The following SI variants were observed in gnomAD, a reference collection of about 807,000 sequenced individuals.
The protein encoded by SI is sucrase-isomaltase, also known as sucrase-isomaltase, intestinal.
A neutral mutation model predicts 253.3 loss-of-function variants in SI; 235 were observed. The observed-to-expected ratio is 0.93, with a 90% CI of 0.83 to 1.03. SI has a LOEUF of 1.03. Among genes scored for constraint, SI ranks in the 50% least tolerant of loss-of-function variants. The pLI is 0.00. For synonymous variants in SI, 819 were observed against 712.0 expected (o/e 1.15, Z -2.39); for missense variants, 2,442 against 2,211.1 (o/e 1.10, Z -2.09).
Position 165,006,888 on chromosome 3 carries a change from C to T in SI, c.4334G>A (p.Ser1445Asn). 1 of 1,611,728 alleles carries T rather than the reference C, an allele frequency of 6.2e-7. No individual in the cohort carries two copies. Among genetic ancestry groups the T allele is most frequent in the Non-Finnish European group, 8.5e-7 (1 of 1,178,068 alleles). Reference protein sequence around the residue: ...TICMEAEQILSDGTSVLHYDV... With the variant: ...TICMEAEQILNDGTSVLHYDV... ...GTAATGCAAAACTGATGTTCCATCA[C>T]TAAGAATCTGCTCAGCTTCCATGCA... is the stretch of plus-strand genomic sequence containing the variant. Residue 1445 changes from serine to asparagine, a missense_variant, in exon 37 of 48, where the codon AGT becomes AAT. Transcript: ENST00000264382.
At chr3:164,997,327 A>C (rs1718057249) in intron 38 of SI, among the ~76,000 whole-genome samples, 2 of 151,762 alleles carry the variant, frequency 1.3e-5, no homozygotes, top group South Asian at 4.1e-4. Context: ...AACAAATTTT[A>C]AGACTAAATA....
chr3:165,033,446 T>C lies in SI; in HGVS notation c.2516-2A>G, dbSNP rs1232478429. The C allele has an allele frequency of 6.5e-7, 1 of 1,536,550 alleles. No individual in the cohort carries two copies. The highest frequency in any genetic ancestry group is 2.4e-5 in the East Asian group (1 of 42,054). On this transcript the variant is annotated splice_acceptor_variant, in intron 22 of 47. Transcript: ENST00000264382. LOFTEE classifies it high-confidence loss of function. ...TGTAGTTGCCATTTTGTATTGTATCTGAAATGAAAAATATCGTGATCAGTA... is the reference window on the plus strand; with the variant it reads ...TGTAGTTGCCATTTTGTATTGTATCCGAAATGAAAAATATCGTGATCAGTA...
intron 16 of SI, among the ~76,000 whole-genome samples, chr3:165,044,071 C>G (rs1712992859): frequency 6.6e-6 from 1 of 151,984 alleles, no homozygotes; most frequent in South Asian, 2.1e-4. Flanking sequence ...GCAGTCAAAA[C>G]TGTTTCCTGA....
At chr3:165,080,727 G>A (rs1715284979), upstream of SI, among the ~76,000 whole-genome samples, 1 of 151,956 alleles carries the variant, frequency 6.6e-6, no homozygotes, top group African/African-American at 2.4e-5. Flanking sequence ...ACAGGAAGGG[G>A]AACATCGCAC....
intron 3 of SI, 93 bp downstream of exon 3, chr3:165,074,438 C>A: frequency 6.5e-6 from 5 of 773,332 alleles, no homozygotes; most frequent in Non-Finnish European, 7.6e-6. Context: ...ATGTCTAGAT[C>A]TTTATTAAAT....
Position 164,992,066 on chromosome 3 carries a change from C to T in SI, c.4983+111G>A, listed in dbSNP as rs191853253. On this transcript the variant is annotated intron_variant, in intron 43 of 47. Coordinates refer to ENST00000264382, the MANE Select transcript of SI (RefSeq NM_001041.4). ...TAATTTACCGGAAATATGTTACTTT[C>T]CACTCTTTTTAAGTGGAAAGTAAAT... 2,568 of 899,888 alleles carry T rather than the reference C, an allele frequency of 2.9e-3. 8 individuals carry two copies. Among genetic ancestry groups the T allele is most frequent in the Middle Eastern group, 6.0e-3 (18 of 3,010 alleles). 55.7% of individuals were successfully genotyped at this position (899,888 alleles called of 1,614,324 possible).
At position 165,039,103 on chromosome 3, in the gene SI, T is replaced by A; in HGVS notation, c.2276A>T (p.Asp759Val). 2 of 1,595,284 alleles carry A rather than the reference T, an allele frequency of 1.3e-6. No homozygotes were observed. Among genetic ancestry groups the A allele is most frequent in the Non-Finnish European group, 1.7e-6 (2 of 1,164,502 alleles). ...AGATTCATAATCATACCAAATAGCA[T>A]CAGGGATGTAGGCACTCACAGTATC... is the stretch of plus-strand genomic sequence containing the variant. Reference protein sequence around the residue: ...GADTVSAYIPDAIWYDYESGA... With the variant: ...GADTVSAYIPVAIWYDYESGA... Residue 759 changes from aspartate (D) to valine (V), a missense_variant, in exon 20 of 48, where the codon GAT becomes GTT. Transcript: ENST00000264382.
At chr3:165,062,068 CAGAT>C (rs980894597) in intron 9 of SI, among the ~76,000 whole-genome samples, 2 of 151,936 alleles carry the variant, frequency 1.3e-5, no homozygotes, top group African/African-American at 4.8e-5. Context: ...TTTATTCCAT[CAGAT>C]AAAGTCATTA....
the SI span, among the ~76,000 whole-genome samples, chr3:165,088,172 C>T: frequency 6.6e-6 from 1 of 151,668 alleles, no homozygotes; most frequent in Non-Finnish European, 1.5e-5. Flanking sequence ...ATGGCAAAAC[C>T]TTGTCTCTAC....
intron 3 of SI, among the ~76,000 whole-genome samples, chr3:165,072,769 A>C (rs920377356): frequency 6.6e-6 from 1 of 152,088 alleles, no homozygotes; most frequent in African/African-American, 2.4e-5. Flanking sequence ...GCCTTGAAAA[A>C]CAGTCTAAGC....
In SI at chr3:165,053,640, A is replaced by G. The variant is rs149910255; in HGVS notation, c.1512+1554T>C. On this transcript the variant is annotated intron_variant, in intron 13 of 47. Coordinates refer to ENST00000264382, the MANE Select transcript of SI (RefSeq NM_001041.4). ...GTTGGAAATACTCTGCCTTTCTCAG[A>G]TAACCTTCTCTCCCACACTTTGGAG... 2.7e-3 allele frequency among the ~76,000 whole-genome samples: 418 copies of G among 152,254 alleles called. 2 individuals are homozygous for G. The highest frequency in any genetic ancestry group is 9.4e-3 in the African/African-American group (390 of 41,560).
chr3:165,074,824 C>A, intron 2 of SI, 157 bp from the exon 3 acceptor site: 1 of 604,556 alleles, frequency 1.7e-6, no homozygotes, highest in South Asian at 2.1e-5. Flanking sequence ...CAATTTCAAG[C>A]ACTAGTCATC....
At chr3:165,036,814 C>A (rs1462033806) in intron 21 of SI, among the ~76,000 whole-genome samples, 1 of 151,576 alleles carries the variant, frequency 6.6e-6, no homozygotes, top group African/African-American at 2.4e-5. Flanking sequence ...TAAGGCTCAA[C>A]TCAACCTGTG....
intron 13 of SI, among the ~76,000 whole-genome samples, chr3:165,054,090 C>T (rs891945534): frequency 1.3e-5 from 2 of 152,028 alleles, no homozygotes; most frequent in East Asian, 3.9e-4. Context: ...AACAACATGT[C>T]TGATAGATAC....
At chr3:165,051,466 T>A (rs1713424858) in intron 13 of SI, among the ~76,000 whole-genome samples, 1 of 152,054 alleles carries the variant, frequency 6.6e-6, no homozygotes, top group Admixed American at 6.6e-5. Context: ...AATGTTATAT[T>A]CAATTTTGTT....
chr3:165,009,610 A>G (rs1576882649), intron 34 of SI, among the ~76,000 whole-genome samples: 1 of 152,144 alleles, frequency 6.6e-6, no homozygotes, highest in Non-Finnish European at 1.5e-5. Flanking sequence ...CCATTTTGGA[A>G]TCCTATGTGA....
In SI at chr3:165,019,724, G is replaced by C; in HGVS notation, c.3301C>G (p.Gln1101Glu). 6.2e-7 allele frequency: 1 copy of C among 1,612,402 alleles called. No homozygotes were observed. Among genetic ancestry groups the C allele is most frequent in the South Asian group, 1.1e-5 (1 of 91,058 alleles). The change falls in exon 28 of 48, where the codon CAA becomes GAA. Residue 1101 changes from glutamine to glutamate, a missense_variant. Physicochemically the swap from Gln to Glu is conservative, Grantham distance 29 (BLOSUM62 2). Transcript: ENST00000264382. ...TCTGATGGCAGGCGAGTCGATATTT[G>C]AATGAACTGGTCATTAAAAGCAAAT... ...PGFAFNDQFIQISTRLPSEYI... is the reference protein window; with the variant it reads ...PGFAFNDQFIEISTRLPSEYI...
chr3:165,047,076 C>T (rs1713160443), intron 15 of SI, 64 bp from the exon 16 acceptor site: 2 of 1,311,434 alleles, frequency 1.5e-6, no homozygotes, highest in Non-Finnish European at 2.1e-6. Flanking sequence ...TATTTAAATT[C>T]TAAAATTTCA....
At chr3:164,992,482 G>A (rs1717800138) in intron 41 of SI, 85 bp from the exon 42 acceptor site, 1 of 930,858 alleles carries the variant, frequency 1.1e-6, no homozygotes, top group Non-Finnish European at 1.7e-6. Flanking sequence ...ATTACATTTT[G>A]TAGTATGGAC....
Sources: gnomAD v4.1 joint callset for allele counts (sites outside exome capture counted in the v4.1 genomes callset) on GRCh38, gnomAD v4.1.1 for gene constraint, MANE v1.5 for transcripts, NCBI Gene and HGNC (gene_info 2026-07-23, HGNC 2026-07-21) for gene names.